The following FIG4 variants were observed in gnomAD, a reference collection of about 807,000 sequenced individuals.
The protein encoded by FIG4 is FIG4 phosphoinositide 5-phosphatase.
A neutral mutation model predicts 118.6 loss-of-function variants in FIG4; 112 were observed. That is an observed-to-expected ratio of 0.94 (90% confidence interval 0.81 to 1.11). FIG4 has a LOEUF of 1.11. FIG4 is among the 50% of genes least tolerant of loss of function. FIG4 has a pLI of 0.00. For synonymous variants in FIG4, 369 were observed against 381.2 expected (o/e 0.97, Z 0.37); for missense variants, 969 against 1,111.7 (o/e 0.87, Z 1.83).
At chr6:109,787,937 G>A (rs973554483) in intron 18 of FIG4, among the ~76,000 whole-genome samples, 2 of 152,078 alleles carry the variant, frequency 1.3e-5, no homozygotes, top group South Asian at 2.1e-4. Context: ...TTCAACTTAC[G>A]ATTTTTCAGC....
Position 109,738,362 on chromosome 6 carries a change from T to A in FIG4, c.684T>A (p.Tyr228Ter), listed in dbSNP as rs1296081777. 3.1e-6 allele frequency: 5 copies of A among 1,609,984 alleles called. No individual in the cohort carries two copies. The African/African-American group carries it at 6.7e-5, about 22-fold the overall frequency. ...FGICSEPYMKYVWNGELLDII... is the reference protein window; with the variant it reads ...FGICSEPYMK Reference sequence around the variant, plus strand: ...TCTGTAGTGAGCCTTATATGAAATATGTATGGAATGGTGAACTTCTGGATA... The same window carrying A: ...TCTGTAGTGAGCCTTATATGAAATAAGTATGGAATGGTGAACTTCTGGATA... The change falls in exon 7 of 23, where the codon TAT becomes TAA. Residue 228 changes from tyrosine to a stop codon, truncating the protein, a stop_gained. Transcript: ENST00000230124. LOFTEE classifies it high-confidence loss of function.
rs189284909 is a variant in FIG4, at chr6:109,707,520, G to A, written c.67-7558G>A. Among the ~76,000 whole-genome samples, 461 of 151,086 alleles carry A rather than the reference G, an allele frequency of 3.1e-3. 2 individuals carry two copies. Among genetic ancestry groups the A allele is most frequent in the Non-Finnish European group, 5.8e-3 (394 of 67,812 alleles). The stretch of plus-strand genomic sequence containing the variant: ...TTTCTACAGATTTAAAGTTAAAACA[G>A]TATATCCAAGTGTTCATGTTGTAAT... On this transcript the variant is annotated intron_variant, in intron 1 of 22. Coordinates refer to ENST00000230124, the MANE Select transcript of FIG4 (RefSeq NM_014845.6).
chr6:109,748,677 G>A (rs1562659907), intron 10 of FIG4, among the ~76,000 whole-genome samples: 1 of 152,108 alleles, frequency 6.6e-6, no homozygotes, highest in Non-Finnish European at 1.5e-5. Context: ...AGAAAAAGAG[G>A]TTTAATGGAC....
intron 20 of FIG4, among the ~76,000 whole-genome samples, chr6:109,791,866 T>G (rs1778147343): frequency 6.6e-6 from 1 of 152,226 alleles, no homozygotes; most frequent in South Asian, 2.1e-4. Flanking sequence ...TTTATTCTCT[T>G]ACTGGGCACA....
chr6:109,771,228 A>C (rs1777448948), intron 15 of FIG4, among the ~76,000 whole-genome samples: 1 of 152,216 alleles, frequency 6.6e-6, no homozygotes, highest in Non-Finnish European at 1.5e-5. Context: ...AAGCAGTTGT[A>C]CATGGCAAGA....
At chr6:109,754,167 C>G (rs1229470509) in intron 10 of FIG4, among the ~76,000 whole-genome samples, 1 of 152,102 alleles carries the variant, frequency 6.6e-6, no homozygotes, top group South Asian at 2.1e-4. Flanking sequence ...TGAATTTTCT[C>G]AAAGGCCTTT....
intron 13 of FIG4, 22 bp downstream of exon 13, chr6:109,764,004 G>A (rs777113777): frequency 1.1e-5 from 17 of 1,506,890 alleles, no homozygotes; most frequent in African/African-American, 5.5e-5. Flanking sequence ...ATTACAATTC[G>A]TAATGAATAG....
At chr6:109,693,047 T>C (rs140045305) in intron 1 of FIG4, among the ~76,000 whole-genome samples, 1 of 152,284 alleles carries the variant, frequency 6.6e-6, no homozygotes, top group Non-Finnish European at 1.5e-5. Flanking sequence ...GCGTGAGATA[T>C]TAGTGTTCAG....
At chr6:109,720,441 G>A (rs1396095498) in intron 3 of FIG4, among the ~76,000 whole-genome samples, 2 of 152,184 alleles carry the variant, frequency 1.3e-5, no homozygotes, top group African/African-American at 2.4e-5. Flanking sequence ...TTGGTGGAAT[G>A]TTTTGGATTG....
At chr6:109,800,133 G>C (rs893313007) in intron 22 of FIG4, among the ~76,000 whole-genome samples, 1 of 152,024 alleles carries the variant, frequency 6.6e-6, no homozygotes, top group Non-Finnish European at 1.5e-5. Context: ...CTAGCAAGTA[G>C]AGGAACCAGG....
At chr6:109,717,687 G>T (rs919312238) in intron 3 of FIG4, among the ~76,000 whole-genome samples, 3 of 152,130 alleles carry the variant, frequency 2.0e-5, no homozygotes, top group African/African-American at 7.2e-5. Flanking sequence ...GATAAATGCA[G>T]AGAAGAAAAG....
intron 22 of FIG4, among the ~76,000 whole-genome samples, chr6:109,807,629 A>G (rs1237515921): frequency 4.6e-5 from 7 of 152,156 alleles, no homozygotes; most frequent in Admixed American, 1.3e-4. Context: ...CCATTTGTCT[A>G]TTTTGGCTTT....
chr6:109,757,302 C>T (rs1425904262), intron 10 of FIG4, among the ~76,000 whole-genome samples: 1 of 152,192 alleles, frequency 6.6e-6, no homozygotes, highest in African/African-American at 2.4e-5. Context: ...GGATGCAAGG[C>T]TGGTTCAACA....
In FIG4 at chr6:109,825,286, G is replaced by A; in HGVS notation, c.*21G>A. The A allele has an allele frequency of 6.2e-7, 1 of 1,610,416 alleles. No homozygotes were observed. The highest frequency in any genetic ancestry group is 8.5e-7 in the Non-Finnish European group (1 of 1,176,796). ...TGTGAAAAGAGCGCAGGTCCACCTG[G>A]TGGACACGTCTGATTAGCTTAGAAC... On this transcript the variant is annotated 3_prime_UTR_variant, in exon 23 of 23. Transcript: ENST00000230124.
intron 10 of FIG4, among the ~76,000 whole-genome samples, chr6:109,759,628 T>A (rs745624369): frequency 3.3e-5 from 5 of 152,150 alleles, no homozygotes; most frequent in African/African-American, 4.8e-5. Flanking sequence ...TTCTCTTGAA[T>A]GAGAGGCAGT....
intron 1 of FIG4, among the ~76,000 whole-genome samples, chr6:109,692,030 CAGAT>C (rs1244851994): frequency 1.1e-4 from 17 of 152,138 alleles, no homozygotes; most frequent in Admixed American, 1.0e-3. Context: ...TGTTTAAAGA[CAGAT>C]AATTTGTTTG....
chr6:109,772,856 C>G (rs936471125), intron 15 of FIG4, among the ~76,000 whole-genome samples: 5 of 152,308 alleles, frequency 3.3e-5, no homozygotes, highest in African/African-American at 1.2e-4. Flanking sequence ...AGTCTATGGA[C>G]ACAGCATTAC....
At position 109,796,998 on chromosome 6, in the gene FIG4, G is replaced by A. The variant is rs1418767096; in HGVS notation, c.2546+147G>A. 6.1e-6 allele frequency: 4 copies of A among 653,774 alleles called. No homozygotes were observed. The African/African-American group carries it at 7.2e-5, about 12-fold the overall frequency. 40.5% of individuals were successfully genotyped at this position (653,774 alleles called of 1,614,324 possible). The stretch of plus-strand genomic sequence containing the variant: ...GTCTCCTTGTGGTACCTTACTTGAG[G>A]AAAACTGGGTCTCTGAGGGATAGGG... On this transcript the variant is annotated intron_variant, in intron 22 of 22. Coordinates refer to ENST00000230124, the MANE Select transcript of FIG4 (RefSeq NM_014845.6).
intron 19 of FIG4, 146 bp downstream of exon 19, chr6:109,789,823 T>C: frequency 1.5e-6 from 1 of 678,636 alleles, no homozygotes; most frequent in South Asian, 1.6e-5. Flanking sequence ...ATACTGAAAG[T>C]AGAATTTATG....
Sources: gnomAD v4.1 joint callset for allele counts (sites outside exome capture counted in the v4.1 genomes callset) on GRCh38, gnomAD v4.1.1 for gene constraint, MANE v1.5 for transcripts, NCBI Gene and HGNC (gene_info 2026-07-23, HGNC 2026-07-21) for gene names.